Variants in BICC1 observed in about 807,000 individuals in gnomAD.
BICC1 encodes BicC family RNA binding protein 1.
In BICC1, 43 loss-of-function variants were observed where a neutral mutation model predicts 111.0. The observed-to-expected ratio is 0.39, with a 90% CI of 0.30 to 0.50. The LOEUF (loss-of-function observed/expected upper bound fraction) is 0.50, where lower values mean the gene tolerates loss of function less well. BICC1 is among the 20% of genes least tolerant of loss of function. The pLI is 0.88. For synonymous variants in BICC1, 467 were observed against 434.4 expected (o/e 1.07, Z -0.93); for missense variants, 1,091 against 1,203.2 (o/e 0.91, Z 1.38).
intron 3 of BICC1, among the ~76,000 whole-genome samples, chr10:58,755,156 G>A (rs1402345115): frequency 6.6e-6 from 1 of 152,106 alleles, no homozygotes; most frequent in African/African-American, 2.4e-5. Context: ...TTTGGGCTTG[G>A]TGACTGTTTC....
intron 2 of BICC1, among the ~76,000 whole-genome samples, chr10:58,682,264 T>C (rs1839551839): frequency 3.3e-5 from 5 of 152,142 alleles, no homozygotes; most frequent in Admixed American, 3.3e-4. Flanking sequence ...ATCCAGTCTA[T>C]CATTGATGAA....
At chr10:58,533,891 C>A (rs1452939184) in intron 1 of BICC1, among the ~76,000 whole-genome samples, 1 of 151,752 alleles carries the variant, frequency 6.6e-6, no homozygotes, top group Non-Finnish European at 1.5e-5. Flanking sequence ...CCATACAGAA[C>A]ACAATTAAAT....
Position 58,761,533 on chromosome 10 carries a change from C to A in BICC1, c.308-23468C>A, listed in dbSNP as rs75248105. Reference sequence around the variant, plus strand: ...TAGCTTTATCTGTCCCCTTTCATTTCTTTTGATAAAATCACTTAGAAAAAT... The same window carrying A: ...TAGCTTTATCTGTCCCCTTTCATTTATTTTGATAAAATCACTTAGAAAAAT... On this transcript the variant is annotated intron_variant, in intron 3 of 20. Transcript: ENST00000373886. Among the ~76,000 whole-genome samples the A allele has an allele frequency of 8.5e-3, 1,298 of 152,250 alleles. 13 individuals are homozygous for A. Among genetic ancestry groups the A allele is most frequent in the African/African-American group, 0.03 (1,237 of 41,566 alleles).
At chr10:58,617,012 G>C (rs898350973) in intron 1 of BICC1, among the ~76,000 whole-genome samples, 7 of 152,258 alleles carry the variant, frequency 4.6e-5, no homozygotes, top group African/African-American at 1.7e-4. Flanking sequence ...GTTGACCAGG[G>C]GTACCTGTTT....
chr10:58,517,046 A>C (rs1431149332), intron 1 of BICC1, among the ~76,000 whole-genome samples: 1 of 152,222 alleles, frequency 6.6e-6, no homozygotes, highest in Non-Finnish European at 1.5e-5. Flanking sequence ...GTACTATAAA[A>C]TTAAAAATTC....
chr10:58,827,337 A>G (rs543851482), intron 20 of BICC1, among the ~76,000 whole-genome samples: 9 of 152,376 alleles, frequency 5.9e-5, no homozygotes, highest in Middle Eastern at 3.4e-3. Flanking sequence ...GCCTGAAACA[A>G]TGAATTCCTG....
At chr10:58,762,881 C>T (rs374509441) in intron 3 of BICC1, among the ~76,000 whole-genome samples, 1 of 151,394 alleles carries the variant, frequency 6.6e-6, no homozygotes, top group African/African-American at 2.4e-5. Flanking sequence ...GCAATTTCAT[C>T]GTAACACAAA....
chr10:58,589,550 C>T lies in BICC1; in HGVS notation c.191-31305C>T, dbSNP rs117580818. ...GCAGTGGTGCAGTCATGGCTCACTG[C>T]AACCTTGAATGCCTGGGGTCAAGCT... On this transcript the variant is annotated intron_variant, in intron 1 of 20. Transcript: ENST00000373886. 7.6e-3 allele frequency among the ~76,000 whole-genome samples: 1,150 copies of T among 151,876 alleles called. 10 individuals carry two copies. Among genetic ancestry groups the T allele is most frequent in the Non-Finnish European group, 0.013 (883 of 67,946 alleles).
chr10:58,764,851 CAACAGGTTATATGAGA>C (rs1439943758), intron 3 of BICC1, among the ~76,000 whole-genome samples: 1 of 152,000 alleles, frequency 6.6e-6, no homozygotes, highest in East Asian at 1.9e-4. Context: ...TGGGAATAAT[CAACAGGTTATATGAGA>C]AACAGGTTTT....
intron 9 of BICC1, among the ~76,000 whole-genome samples, chr10:58,795,718 T>C (rs1843332304): frequency 6.6e-6 from 1 of 152,082 alleles, no homozygotes; most frequent in East Asian, 1.9e-4. Flanking sequence ...TCTTGATGAG[T>C]CCATTGTGAA....
intron 3 of BICC1, among the ~76,000 whole-genome samples, chr10:58,735,392 C>G (rs1841436909): frequency 6.6e-6 from 1 of 152,202 alleles, no homozygotes; most frequent in African/African-American, 2.4e-5. Context: ...TCGATGCCAG[C>G]CAAATGTTAC....
chr10:58,818,893 T>C (rs1362116260), intron 19 of BICC1, among the ~76,000 whole-genome samples: 2 of 152,148 alleles, frequency 1.3e-5, no homozygotes, highest in Non-Finnish European at 2.9e-5. Context: ...GTTAATTCAA[T>C]GATATTCTGG....
In BICC1 at chr10:58,719,083, G is replaced by A. The variant is rs75482867; in HGVS notation, c.307+16940G>A. Among the ~76,000 whole-genome samples the A allele has an allele frequency of 4.3e-3, 650 of 152,128 alleles. 14 individuals are homozygous for A. The East Asian group carries it at 0.064, about 15-fold the overall frequency. On this transcript the variant is annotated intron_variant, in intron 3 of 20. Coordinates refer to ENST00000373886, the MANE Select transcript of BICC1 (RefSeq NM_001080512.3). Reference sequence around the variant, plus strand: ...CATTTCTACTTTGTCTCCATTTCTAGAATGGTATCCATATGTAAAAGTATT... The same window carrying A: ...CATTTCTACTTTGTCTCCATTTCTAAAATGGTATCCATATGTAAAAGTATT...
intron 3 of BICC1, among the ~76,000 whole-genome samples, chr10:58,740,924 A>G (rs989482502): frequency 6.6e-6 from 1 of 152,356 alleles, no homozygotes; most frequent in Admixed American, 6.5e-5. Context: ...GAAAGCCCAC[A>G]TATTTCATTA....
intron 1 of BICC1, among the ~76,000 whole-genome samples, chr10:58,595,949 A>G (rs547298613): frequency 1.3e-5 from 2 of 152,218 alleles, no homozygotes; most frequent in Admixed American, 6.5e-5. Flanking sequence ...AAGATCAACA[A>G]AATAGATAGA....
chr10:58,600,196 C>T (rs1169730174), intron 1 of BICC1, among the ~76,000 whole-genome samples: 2 of 152,102 alleles, frequency 1.3e-5, no homozygotes, highest in Admixed American at 1.3e-4. Flanking sequence ...CCAGCCCTTA[C>T]TGTTACAACA....
intron 3 of BICC1, chr10:58,716,245 A>T (rs1329003713): frequency 1.3e-6 from 2 of 1,494,212 alleles, no homozygotes; most frequent in Non-Finnish European, 1.8e-6. Context: ...TAAGAAACAC[A>T]GTAAGAAGAA....
intron 2 of BICC1, among the ~76,000 whole-genome samples, chr10:58,621,118 T>C (rs1310938772): frequency 6.6e-6 from 1 of 152,084 alleles, no homozygotes; most frequent in African/African-American, 2.4e-5. Flanking sequence ...TCTAATGAAA[T>C]TTTTGCTTAA....
At position 58,830,542 on chromosome 10, in the gene BICC1, TTCCA is replaced by T. The variant is rs1300571851; in HGVS notation, c.*1653_*1656del. ...GATAAGAAATACTTGCCTGACACTT[TTCCA>T]TGGCTGAGTCTGACCATTACAGTAA... On this transcript the variant is annotated 3_prime_UTR_variant, in exon 21 of 21. Coordinates refer to ENST00000373886, the MANE Select transcript of BICC1 (RefSeq NM_001080512.3). The T allele has an allele frequency of 6.6e-6, 1 of 152,176 alleles. No individual in the cohort carries two copies. Among genetic ancestry groups the T allele is most frequent in the Admixed American group, 6.5e-5 (1 of 15,274 alleles). 9.4% of individuals were successfully genotyped at this position (152,176 alleles called of 1,614,324 possible). A position where few individuals can be genotyped will look rare whatever the true frequency, so the allele number is the denominator to read the frequency against.
Sources: allele counts gnomAD v4.1 joint callset (sites outside exome capture counted in the v4.1 genomes callset), GRCh38; gene constraint gnomAD v4.1.1; transcripts MANE v1.5; gene names NCBI Gene and HGNC (gene_info 2026-07-23, HGNC 2026-07-21).